The following PTPRT variants were observed in gnomAD, a reference collection of about 807,000 sequenced individuals.
PTPRT encodes receptor-type tyrosine-protein phosphatase T.
In PTPRT, 56 loss-of-function variants were observed where a neutral mutation model predicts 176.8. That is an observed-to-expected ratio of 0.32 (90% confidence interval 0.26 to 0.40). PTPRT has a LOEUF of 0.40. Among genes scored for constraint, PTPRT ranks in the 10% least tolerant of loss-of-function variants. PTPRT has a pLI of 1.00. For missense variants in PTPRT, 1,540 were observed against 1,908.2 expected (o/e 0.81, Z 3.60); for synonymous variants, 783 against 739.0 (o/e 1.06, Z -0.96).
chr20:42,526,697 T>C (rs1338239832), intron 7 of PTPRT, among the ~76,000 whole-genome samples: 1 of 152,080 alleles, frequency 6.6e-6, no homozygotes, highest in Non-Finnish European at 1.5e-5. Flanking sequence ...TGTTCTGGTA[T>C]CTCTAAAATA....
At chr20:42,655,666 C>A (rs866323517) in intron 7 of PTPRT, among the ~76,000 whole-genome samples, 3 of 152,238 alleles carry the variant, frequency 2.0e-5, no homozygotes, top group Middle Eastern at 3.4e-3. Flanking sequence ...AGGGAACATG[C>A]ACAGTAGTAT....
At chr20:42,340,734 G>A (rs1024909924) in intron 11 of PTPRT, among the ~76,000 whole-genome samples, 4 of 152,130 alleles carry the variant, frequency 2.6e-5, no homozygotes, top group Admixed American at 6.5e-5. Context: ...GGGCAGTTGC[G>A]GACAGAGACC....
intron 8 of PTPRT, among the ~76,000 whole-genome samples, chr20:42,453,837 A>ATTTT (rs11482073): frequency 7.1e-6 from 1 of 141,036 alleles, no homozygotes. Flanking sequence ...CGCCCGGCTA[A>ATTTT]TTTTTTTTTT....
intron 15 of PTPRT, among the ~76,000 whole-genome samples, chr20:42,219,088 TG>T (rs2055829461): frequency 1.3e-5 from 2 of 152,102 alleles, no homozygotes; most frequent in African/African-American, 4.8e-5. Flanking sequence ...AATTAATTAG[TG>T]TACACTAGGA....
chr20:42,817,058 T>G (rs1178966498), intron 2 of PTPRT, among the ~76,000 whole-genome samples: 1 of 152,204 alleles, frequency 6.6e-6, no homozygotes, highest in African/African-American at 2.4e-5. Flanking sequence ...GCATCTGAAT[T>G]TGCAAAGATT....
chr20:42,391,459 G>A (rs896971623), intron 9 of PTPRT, among the ~76,000 whole-genome samples: 10 of 152,124 alleles, frequency 6.6e-5, no homozygotes, highest in Admixed American at 1.3e-4. Context: ...ATGTCCTGGC[G>A]GCCAAACTTA....
In PTPRT at chr20:42,086,912, G is replaced by C. The variant is rs566107076; in HGVS notation, c.3847-1059C>G. ...AAGTTAATGTCACATGGTGCTGACA[G>C]ATCTTGCCTATGATTCTTTCTATTT... On this transcript the variant is annotated intron_variant, in intron 27 of 30. Coordinates refer to ENST00000373187, the MANE Select transcript of PTPRT (RefSeq NM_007050.6). Among the ~76,000 whole-genome samples, 20 of 150,654 alleles carry C rather than the reference G, an allele frequency of 1.3e-4. No individual in the cohort carries two copies. The South Asian group carries it at 3.4e-3, about 26-fold the overall frequency.
intron 12 of PTPRT, among the ~76,000 whole-genome samples, chr20:42,312,831 T>C (rs1469612571): frequency 1.5e-5 from 2 of 132,570 alleles, no homozygotes; most frequent in East Asian, 2.2e-4. Context: ...TTTTCCTCTA[T>C]GGCAAATCCC....
At chr20:42,063,698 C>G in the PTPRT span, 1 of 152,064 alleles carries the variant, frequency 6.6e-6, no homozygotes, top group African/African-American at 2.4e-5. Flanking sequence ...GAGGAGTGCC[C>G]TGGAGCCTGT....
intron 7 of PTPRT, among the ~76,000 whole-genome samples, chr20:42,520,313 C>G (rs1241650178): frequency 6.6e-6 from 1 of 152,112 alleles, no homozygotes; most frequent in Non-Finnish European, 1.5e-5. Flanking sequence ...CATCAGCACT[C>G]AAGTCAACAA....
In PTPRT at chr20:42,378,234, C is replaced by T. The variant is rs775040119; in HGVS notation, c.1561-25949G>A. Among the ~76,000 whole-genome samples the T allele has an allele frequency of 1.0e-3, 155 of 152,300 alleles. 2 individuals are homozygous for T. Among genetic ancestry groups the T allele is most frequent in the Middle Eastern group, 3.4e-3 (1 of 294 alleles). The stretch of plus-strand genomic sequence containing the variant: ...ATTGCATTCCTGGTGCCTAGGACAG[C>T]GGGAGGCACCAGATAAACATCTCTT... On this transcript the variant is annotated intron_variant, in intron 9 of 30. Transcript: ENST00000373187.
chr20:42,434,592 C>G (rs779744371), intron 9 of PTPRT, among the ~76,000 whole-genome samples: 1 of 150,042 alleles, frequency 6.7e-6, no homozygotes, highest in Non-Finnish European at 1.5e-5. Flanking sequence ...CTAAGAGATA[C>G]TTCTGTTACT....
intron 1 of PTPRT, among the ~76,000 whole-genome samples, chr20:43,150,612 A>G (rs1474786686): frequency 6.6e-6 from 1 of 152,126 alleles, no homozygotes; most frequent in African/African-American, 2.4e-5. Flanking sequence ...ACGTGTCACC[A>G]TGCCCAGCTA....
At chr20:42,784,751 A>G (rs2867556) in intron 3 of PTPRT, among the ~76,000 whole-genome samples, 71,600 of 151,764 alleles carry the variant, frequency 0.47, 19,112 homozygotes, top group Non-Finnish European at 0.61. Flanking sequence ...CAAATAAAAG[A>G]TAATTTTTCC....
intron 8 of PTPRT, among the ~76,000 whole-genome samples, chr20:42,451,398 T>C (rs993096838): frequency 7.9e-5 from 12 of 151,972 alleles, no homozygotes; most frequent in African/African-American, 2.9e-4. Flanking sequence ...CAGGTATACA[T>C]AGAACATCCA....
chr20:42,108,879 A>C (rs1373027977), intron 23 of PTPRT, among the ~76,000 whole-genome samples: 4 of 152,222 alleles, frequency 2.6e-5, no homozygotes, highest in Non-Finnish European at 4.4e-5. Flanking sequence ...TGCTAAGGAG[A>C]CACATACCGG....
intron 15 of PTPRT, among the ~76,000 whole-genome samples, chr20:42,202,119 G>C (rs1292379794): frequency 1.3e-5 from 2 of 152,044 alleles, no homozygotes; most frequent in Non-Finnish European, 2.9e-5. Flanking sequence ...ACAGGTGTCT[G>C]CCACCGCATC....
At chr20:43,185,876 G>A (rs2015377082) in intron 1 of PTPRT, among the ~76,000 whole-genome samples, 1 of 151,916 alleles carries the variant, frequency 6.6e-6, no homozygotes, top group Admixed American at 6.6e-5. Context: ...AGGTTGCGGT[G>A]AGCCAAGACT....
At chr20:42,918,287 C>A (rs1978913491) in intron 1 of PTPRT, among the ~76,000 whole-genome samples, 2 of 152,106 alleles carry the variant, frequency 1.3e-5, no homozygotes, top group Admixed American at 1.3e-4. Context: ...TTAAGAAATC[C>A]CCCCATCTCC....
Sources: gnomAD v4.1 joint callset for allele counts (sites outside exome capture counted in the v4.1 genomes callset) on GRCh38, gnomAD v4.1.1 for gene constraint, MANE v1.5 for transcripts, NCBI Gene and HGNC (gene_info 2026-07-23, HGNC 2026-07-21) for gene names.